CTNNA2: variants seen among roughly 807,000 people sequenced by gnomAD.
CTNNA2 encodes the protein catenin alpha 2, also known as catenin alpha-2.
In CTNNA2, 42 loss-of-function variants were observed where a neutral mutation model predicts 101.0. That is an observed-to-expected ratio of 0.42 (90% confidence interval 0.32 to 0.54). The LOEUF is 0.54. CTNNA2 is among the 20% of genes least tolerant of loss of function. The pLI, the probability that CTNNA2 is intolerant of heterozygous loss-of-function variation, is 0.14. For synonymous variants in CTNNA2, 450 were observed against 456.4 expected, an observed-to-expected ratio of 0.99 and a Z score of 0.18; for missense variants, 871 against 1,223.1, an observed-to-expected ratio of 0.71 and a Z score of 4.29.
intron 7 of CTNNA2, among the ~76,000 whole-genome samples, chr2:80,294,643 AT>A (rs1466958388): frequency 3.3e-5 from 5 of 152,034 alleles, no homozygotes; most frequent in South Asian, 2.1e-4. Flanking sequence ...CTTAAAAAAA[AT>A]AATAATAATA....
At chr2:80,421,295 T>G (rs1179346042) in intron 9 of CTNNA2, among the ~76,000 whole-genome samples, 2 of 152,200 alleles carry the variant, frequency 1.3e-5, no homozygotes, top group African/African-American at 4.8e-5. Context: ...CTGAAAATAT[T>G]CATTGATGGT....
rs369970894 is a variant in CTNNA2, at chr2:80,393,248, C to T, written c.1094C>T (p.Ala365Val). 2.5e-6 allele frequency: 4 copies of T among 1,609,738 alleles called. No individual in the cohort carries two copies. Among genetic ancestry groups the T allele is most frequent in the South Asian group, 2.2e-5 (2 of 90,158 alleles). Residue 365 changes from alanine to valine, a missense_variant, in exon 8 of 19, where the codon GCG becomes GTG. Ala to Val is a moderately conservative substitution (Grantham distance 64). Transcript: ENST00000402739. ...GAAAAAGGAGATCCTCTCAACATTG[C>T]GATTGATAAGATGACTAAGAAAACA... ...RKEKGDPLNI[A>V]IDKMTKKTRD...
At chr2:80,139,798 G>C (rs924001141) in intron 7 of CTNNA2, among the ~76,000 whole-genome samples, 45 of 152,190 alleles carry the variant, frequency 3.0e-4, no homozygotes, top group African/African-American at 1.1e-3. Flanking sequence ...TATCACATCA[G>C]ACCCATTTAC....
intron 1 of CTNNA2, among the ~76,000 whole-genome samples, chr2:79,651,058 C>T (rs1456645929): frequency 6.6e-6 from 1 of 152,036 alleles, no homozygotes; most frequent in African/African-American, 2.4e-5. Context: ...AACACTTTTA[C>T]ACTGTTGGTG....
intron 9 of CTNNA2, among the ~76,000 whole-genome samples, chr2:80,506,693 G>C (rs1270308644): frequency 6.6e-6 from 1 of 152,150 alleles, no homozygotes; most frequent in East Asian, 1.9e-4. Context: ...CTGAAGGCAG[G>C]AGGCCAGTGA....
chr2:79,545,847 T>G (rs1673698494), intron 1 of CTNNA2, among the ~76,000 whole-genome samples: 1 of 152,204 alleles, frequency 6.6e-6, no homozygotes, highest in Admixed American at 6.5e-5. Context: ...ATAATATGAA[T>G]AAATATAACT....
intron 7 of CTNNA2, among the ~76,000 whole-genome samples, chr2:80,145,784 T>C (rs1703294246): frequency 1.3e-5 from 2 of 152,220 alleles, no homozygotes; most frequent in African/African-American, 4.8e-5. Flanking sequence ...AATGTGTATA[T>C]GACTTTACAG....
chr2:80,001,895 T>G (rs1003172307), intron 7 of CTNNA2, among the ~76,000 whole-genome samples: 3 of 152,226 alleles, frequency 2.0e-5, no homozygotes, highest in African/African-American at 7.2e-5. Context: ...AGCACTGCGT[T>G]TTAGAATACT....
intron 7 of CTNNA2, among the ~76,000 whole-genome samples, chr2:80,263,223 C>G (rs1358413200): frequency 1.3e-5 from 2 of 152,020 alleles, no homozygotes; most frequent in Admixed American, 1.3e-4. Flanking sequence ...GGTATGAGAA[C>G]AATTAAAAAT....
intron 7 of CTNNA2, among the ~76,000 whole-genome samples, chr2:80,336,519 A>T (rs748328846): frequency 1.3e-5 from 2 of 152,202 alleles, no homozygotes; most frequent in Non-Finnish European, 2.9e-5. Context: ...CCTTATGCAG[A>T]TTATTATCCA....
intron 4 of CTNNA2, among the ~76,000 whole-genome samples, chr2:79,437,163 G>A (rs1678725322): frequency 4.0e-5 from 6 of 151,800 alleles, no homozygotes; most frequent in Admixed American, 3.9e-4. Context: ...GAAACCGGGA[G>A]GCAGTGGTTG....
chr2:79,237,025 G>A (rs1459969918), intron 2 of CTNNA2, among the ~76,000 whole-genome samples: 3 of 152,142 alleles, frequency 2.0e-5, no homozygotes, highest in Admixed American at 2.0e-4. Flanking sequence ...ATCTAAAATG[G>A]TGAATATTTT....
At chr2:80,107,925 G>A (rs1700990796) in intron 7 of CTNNA2, among the ~76,000 whole-genome samples, 1 of 152,192 alleles carries the variant, frequency 6.6e-6, no homozygotes, top group African/African-American at 2.4e-5. Context: ...GTTGAGTGGG[G>A]CGGGCAGAGT....
chr2:79,214,626 C>T (rs1219973707), intron 2 of CTNNA2, among the ~76,000 whole-genome samples: 1 of 151,750 alleles, frequency 6.6e-6, no homozygotes, highest in East Asian at 1.9e-4. Flanking sequence ...TGATCAGTTG[C>T]CAGGGAAGGA....
At chr2:80,240,495 A>G (rs1327298664) in intron 7 of CTNNA2, among the ~76,000 whole-genome samples, 2 of 152,116 alleles carry the variant, frequency 1.3e-5, no homozygotes, top group African/African-American at 4.8e-5. Flanking sequence ...ACTTGCTCAA[A>G]TTATCTCTCG....
At chr2:80,179,764 A>C in intron 7 of CTNNA2, among the ~76,000 whole-genome samples, 1 of 152,130 alleles carries the variant, frequency 6.6e-6, no homozygotes, top group East Asian at 1.9e-4. Context: ...TTGATTTACT[A>C]TCTTTCTAGG....
At chr2:79,568,099 A>G (rs772144322) in intron 1 of CTNNA2, among the ~76,000 whole-genome samples, 10 of 152,158 alleles carry the variant, frequency 6.6e-5, no homozygotes, top group East Asian at 1.9e-4. Context: ...TATATTGCCA[A>G]TGTCTCCAAA....
intron 1 of CTNNA2, among the ~76,000 whole-genome samples, chr2:79,570,417 A>C (rs1009923249): frequency 6.6e-6 from 1 of 152,134 alleles, no homozygotes; most frequent in Non-Finnish European, 1.5e-5. Context: ...GACCCTTTGT[A>C]AATGTGGAAA....
In CTNNA2 at chr2:79,894,542, G is replaced by A. The variant is rs79811725; in HGVS notation, c.853-15052G>A. On this transcript the variant is annotated intron_variant, in intron 6 of 18. Transcript: ENST00000402739. Reference sequence around the variant, plus strand: ...CACACATTGTATTCCACATTCTGCCGTAATGAACTGTTTATCATTTTCAGG... The same window carrying A: ...CACACATTGTATTCCACATTCTGCCATAATGAACTGTTTATCATTTTCAGG... 1.1e-4 allele frequency among the ~76,000 whole-genome samples: 17 copies of A among 152,140 alleles called. No homozygotes were observed. The East Asian group carries it at 2.1e-3, about 19-fold the overall frequency.
Sources: gnomAD v4.1 joint callset for allele counts (sites outside exome capture counted in the v4.1 genomes callset) on GRCh38, gnomAD v4.1.1 for gene constraint, MANE v1.5 for transcripts, NCBI Gene and HGNC (gene_info 2026-07-23, HGNC 2026-07-21) for gene names.